Variants in WDR70 observed in about 807,000 individuals in gnomAD.
The protein encoded by WDR70 is WD repeat domain 70, also known as WD repeat-containing protein 70.
Under a neutral mutation model 88.6 loss-of-function variants are expected in WDR70, and 53 were observed. The observed-to-expected ratio is 0.60, with a 90% CI of 0.48 to 0.75. WDR70 has a LOEUF of 0.75. WDR70 is among the 30% of genes least tolerant of loss of function. The pLI is 0.00. For synonymous variants in WDR70, 280 were observed against 270.0 expected, an observed-to-expected ratio of 1.04 and a Z score of -0.36; for missense variants, 610 against 823.2, an observed-to-expected ratio of 0.74 and a Z score of 3.17.
At chr5:37,690,928 G>A (rs1746774379) in intron 10 of WDR70, among the ~76,000 whole-genome samples, 1 of 152,138 alleles carries the variant, frequency 6.6e-6, no homozygotes, top group Admixed American at 6.5e-5. Flanking sequence ...ACACAGACTG[G>A]CAAATTGGAT....
chr5:37,699,402 T>TATACACAC (rs752211783), intron 11 of WDR70, among the ~76,000 whole-genome samples: 4 of 70,806 alleles, frequency 5.6e-5, no homozygotes, highest in Admixed American at 1.0e-4. Context: ...TATATATATA[T>TATACACAC]ACACACACAC....
At chr5:37,492,079 A>G (rs777218405) in intron 8 of WDR70, among the ~76,000 whole-genome samples, 7 of 152,188 alleles carry the variant, frequency 4.6e-5, no homozygotes, top group Admixed American at 6.5e-5. Flanking sequence ...CAGGGAAGTC[A>G]ATTTAGAAAT....
chr5:37,716,218 T>C (rs1747651050), intron 13 of WDR70, among the ~76,000 whole-genome samples: 1 of 152,164 alleles, frequency 6.6e-6, no homozygotes, highest in South Asian at 2.1e-4. Flanking sequence ...ATAATCATGT[T>C]TAAGGTATAA....
In WDR70 at chr5:37,450,285, A is replaced by G. The variant is rs182331978; in HGVS notation, c.686+6913A>G. 8.3e-4 allele frequency among the ~76,000 whole-genome samples: 126 copies of G among 152,332 alleles called. 1 individual carries two copies. The highest frequency in any genetic ancestry group is 1.5e-3 in the Non-Finnish European group (105 of 68,032). ...CCTAGTAATGGGATTGCTGGGTCAG[A>G]TGGTATTTCTACCTCTAGAAGATCT... On this transcript the variant is annotated intron_variant, in intron 7 of 17. Transcript: ENST00000265107.
chr5:37,430,311 AGT>A (rs1446112607), intron 5 of WDR70, among the ~76,000 whole-genome samples: 1 of 152,188 alleles, frequency 6.6e-6, no homozygotes, highest in African/African-American at 2.4e-5. Context: ...AGTGTGACTG[AGT>A]GTGATCTGAA....
intron 9 of WDR70, among the ~76,000 whole-genome samples, chr5:37,550,392 C>T (rs1742109438): frequency 6.6e-6 from 1 of 152,160 alleles, no homozygotes; most frequent in South Asian, 2.1e-4. Context: ...TGTGACCTAA[C>T]ATATGATCTG....
At chr5:37,680,018 GTAAAAGC>G (rs1215972529) in intron 10 of WDR70, among the ~76,000 whole-genome samples, 29 of 152,232 alleles carry the variant, frequency 1.9e-4, no homozygotes, top group African/African-American at 6.8e-4. Context: ...CACCAACAAT[GTAAAAGC>G]ATTTCTTTTT....
chr5:37,693,309 C>T lies in WDR70; in HGVS notation c.1093-4346C>T, dbSNP rs886591115. 5.5e-4 allele frequency among the ~76,000 whole-genome samples: 83 copies of T among 152,138 alleles called. 2 individuals carry two copies. The highest frequency in any genetic ancestry group is 3.2e-3 in the Middle Eastern group (1 of 316). ...CCCAAGGTAATTTATAGATTCAATGCCATCCCCATCAAGTTACCAATGACT... is the reference window on the plus strand; with the variant it reads ...CCCAAGGTAATTTATAGATTCAATGTCATCCCCATCAAGTTACCAATGACT... On this transcript the variant is annotated intron_variant, in intron 10 of 17. Coordinates refer to ENST00000265107, the MANE Select transcript of WDR70 (RefSeq NM_018034.4).
intron 10 of WDR70, among the ~76,000 whole-genome samples, chr5:37,613,923 G>A (rs1561923280): frequency 6.6e-6 from 1 of 152,312 alleles, no homozygotes; most frequent in East Asian, 1.9e-4. Flanking sequence ...TCTATACTGA[G>A]AGTCAGGAAA....
intron 10 of WDR70, among the ~76,000 whole-genome samples, chr5:37,637,339 T>TTAAATAAATAAATAAA (rs34958458): frequency 1.4e-5 from 2 of 145,036 alleles, no homozygotes. Context: ...AATAAATAAA[T>TTAAATAAATAAATAAA]TAAATAAATA....
intron 10 of WDR70, among the ~76,000 whole-genome samples, chr5:37,610,963 A>G (rs1744175891): frequency 6.6e-6 from 1 of 152,222 alleles, no homozygotes; most frequent in Non-Finnish European, 1.5e-5. Context: ...CTTCTCTTTT[A>G]GAATCACCAG....
chr5:37,577,703 T>C (rs1220338802), intron 9 of WDR70, among the ~76,000 whole-genome samples: 1 of 152,070 alleles, frequency 6.6e-6, no homozygotes, highest in East Asian at 1.9e-4. Context: ...CCTTGAACAG[T>C]TGTGTTAATG....
chr5:37,413,963 C>A (rs1304240355), intron 5 of WDR70, among the ~76,000 whole-genome samples: 2 of 151,522 alleles, frequency 1.3e-5, no homozygotes, highest in Non-Finnish European at 2.9e-5. Flanking sequence ...CTGACCAACA[C>A]GGAGAAACCC....
chr5:37,702,493 G>T (rs971927837), intron 12 of WDR70, among the ~76,000 whole-genome samples: 2 of 152,136 alleles, frequency 1.3e-5, no homozygotes, highest in African/African-American at 2.4e-5. Flanking sequence ...TTATTTGGGG[G>T]TGATGGTAGT....
chr5:37,576,907 T>C (rs192310039), intron 9 of WDR70, among the ~76,000 whole-genome samples: 4 of 152,154 alleles, frequency 2.6e-5, no homozygotes, highest in African/African-American at 9.7e-5. Context: ...GACAGGGAGT[T>C]CAGCTCAGTC....
chr5:37,388,750 A>G (rs149256463), intron 3 of WDR70, among the ~76,000 whole-genome samples: 2 of 147,268 alleles, frequency 1.4e-5, no homozygotes, highest in Non-Finnish European at 3.0e-5. Context: ...AAAAAAAAAA[A>G]CAAAAAGAAA....
At chr5:37,689,291 G>A (rs988421633) in intron 10 of WDR70, among the ~76,000 whole-genome samples, 2 of 152,226 alleles carry the variant, frequency 1.3e-5, no homozygotes, top group African/African-American at 4.8e-5. Context: ...GACAACTTCT[G>A]CAGACTTAAA....
At chr5:37,634,322 A>G (rs1744900970) in intron 10 of WDR70, among the ~76,000 whole-genome samples, 1 of 144,928 alleles carries the variant, frequency 6.9e-6, no homozygotes, top group African/African-American at 2.6e-5. Flanking sequence ...GAAAAAAAAG[A>G]AAAAAAAAAA....
At chr5:37,416,644 A>G (rs1395224288) in intron 5 of WDR70, among the ~76,000 whole-genome samples, 2 of 148,724 alleles carry the variant, frequency 1.3e-5, no homozygotes, top group African/African-American at 2.5e-5. Context: ...CAATGGGGTG[A>G]TATCGGCTCA....
Sources: allele counts gnomAD v4.1 joint callset (sites outside exome capture counted in the v4.1 genomes callset), GRCh38; gene constraint gnomAD v4.1.1; transcripts MANE v1.5; gene names NCBI Gene and HGNC (gene_info 2026-07-23, HGNC 2026-07-21).